ANO6: variants seen among roughly 807,000 people sequenced by gnomAD.
The protein encoded by ANO6 is anoctamin-6.
In ANO6, 106 loss-of-function variants were observed where a neutral mutation model predicts 117.5. That is an observed-to-expected ratio of 0.90 (90% CI 0.77 to 1.06). The LOEUF (loss-of-function observed/expected upper bound fraction) is 1.06, where lower values mean the gene tolerates loss of function less well. Among genes scored for constraint, ANO6 ranks in the 50% least tolerant of loss-of-function variants. The pLI is 0.00. For synonymous variants in ANO6, 367 were observed against 385.1 expected (o/e 0.95, Z 0.55); for missense variants, 955 against 1,121.1 (o/e 0.85, Z 2.12).
chr12:45,266,739 G>A (rs554019079), intron 1 of ANO6, among the ~76,000 whole-genome samples: 9 of 152,152 alleles, frequency 5.9e-5, no homozygotes, highest in South Asian at 4.2e-4. Flanking sequence ...GGAGGTTGCC[G>A]TGAGCCAAGA....
intron 8 of ANO6, among the ~76,000 whole-genome samples, chr12:45,362,605 T>C (rs573774862): frequency 6.6e-6 from 1 of 152,284 alleles, no homozygotes; most frequent in Admixed American, 6.5e-5. Flanking sequence ...TTTTGTCTCT[T>C]GTTTTTCTAT....
intron 19 of ANO6, among the ~76,000 whole-genome samples, chr12:45,437,624 C>T (rs1943722126): frequency 1.3e-5 from 2 of 152,088 alleles, no homozygotes; most frequent in South Asian, 4.1e-4. Flanking sequence ...GGCTGGAGAG[C>T]AGCGGCGCAA....
Position 45,430,896 on chromosome 12 carries a change from T to C in ANO6, c.*1585T>C, listed in dbSNP as rs554457710. ...GAGGTGATTTGCATCATGGTCATGC[T>C]GCATGGGCTTCACTGGGATGCTGTT... On this transcript the variant is annotated 3_prime_UTR_variant, in exon 20 of 20. Coordinates refer to ENST00000320560, the MANE Select transcript of ANO6 (RefSeq NM_001025356.3). 1.1e-4 allele frequency: 113 copies of C among 985,422 alleles called. 1 individual carries two copies. In the South Asian group the frequency reaches 3.9e-3, roughly 34 times the overall value. 61.0% of individuals were successfully genotyped at this position (985,422 alleles called of 1,614,324 possible). A position where few individuals can be genotyped will look rare whatever the true frequency, so the allele number is the denominator to read the frequency against.
intron 1 of ANO6, among the ~76,000 whole-genome samples, chr12:45,223,098 T>C (rs1947430221): frequency 6.6e-6 from 1 of 152,228 alleles, no homozygotes; most frequent in Non-Finnish European, 1.5e-5. Context: ...TCTTCATCTT[T>C]ATCTTTTATA....
At chr12:45,370,588 T>C (rs1225023037) in intron 9 of ANO6, among the ~76,000 whole-genome samples, 2 of 152,216 alleles carry the variant, frequency 1.3e-5, no homozygotes, top group Non-Finnish European at 2.9e-5. Context: ...GGAAGTGGCA[T>C]TGGACAGAAT....
In ANO6 at chr12:45,367,688, C is replaced by CA. The variant is rs1358580462; in HGVS notation, c.1002dup (p.Glu335ArgfsTer6). ...TTAAGTTTTATTTCTCTCTTTTTAGCAAAGAAGTTTGTCATCCTGATATTG... is the reference window on the plus strand; with the variant it reads ...TTAAGTTTTATTTCTCTCTTTTTAGCAAAAGAAGTTTGTCATCCTGATATTG... On this transcript the variant is annotated frameshift_variant and splice_region_variant, in exon 9 of 20. Coordinates refer to ENST00000320560, the MANE Select transcript of ANO6 (RefSeq NM_001025356.3). LOFTEE classifies it high-confidence loss of function. The CA allele has an allele frequency of 6.8e-6, 11 of 1,610,724 alleles. No individual in the cohort carries two copies. The highest frequency in any genetic ancestry group is 7.6e-6 in the Non-Finnish European group (9 of 1,177,994).
Position 45,348,219 on chromosome 12 carries a change from A to G in ANO6, c.537A>G (p.Gln179=). 6.2e-7 allele frequency: 1 copy of G among 1,614,092 alleles called. No individual in the cohort carries two copies. The highest frequency in any genetic ancestry group is 1.6e-4 in the Middle Eastern group (1 of 6,062). The change falls in exon 5 of 20, where the codon CAA becomes CAG. Residue 179 remains glutamine, a synonymous_variant. Transcript: ENST00000320560. Reference sequence around the variant, plus strand: ...ACGAAAGCATCATCAAGCCAGAGCAAGAGTTTTTCACTGCCCCATTTGAGA... The same window carrying G: ...ACGAAAGCATCATCAAGCCAGAGCAGGAGTTTTTCACTGCCCCATTTGAGA... ...SVDESIIKPE[Q]EFFTAPFEKN...
chr12:45,246,818 G>A (rs11182940), intron 1 of ANO6, among the ~76,000 whole-genome samples: 17,197 of 148,660 alleles, frequency 0.12, 1,439 homozygotes, highest in East Asian at 0.29. Flanking sequence ...AGGTTGGAGC[G>A]CAGTGGCGCT....
intron 19 of ANO6, among the ~76,000 whole-genome samples, chr12:45,439,029 A>G (rs1241699981): frequency 6.6e-6 from 1 of 152,244 alleles, no homozygotes; most frequent in Non-Finnish European, 1.5e-5. Flanking sequence ...AAGTAGCATA[A>G]TGTTAAGAAT....
intron 9 of ANO6, among the ~76,000 whole-genome samples, chr12:45,372,747 C>T (rs1941882490): frequency 1.3e-5 from 2 of 152,280 alleles, no homozygotes; most frequent in South Asian, 4.1e-4. Flanking sequence ...GTACCAGGCG[C>T]TGCAAAATCA....
At chr12:45,218,753 G>A (rs535469072) in intron 1 of ANO6, among the ~76,000 whole-genome samples, 1 of 152,244 alleles carries the variant, frequency 6.6e-6, no homozygotes, top group South Asian at 2.1e-4. Context: ...AGAGGAGACT[G>A]GTGAAATGAA....
chr12:45,345,389 C>T (rs1941102610), intron 3 of ANO6, among the ~76,000 whole-genome samples: 1 of 152,156 alleles, frequency 6.6e-6, no homozygotes, highest in Non-Finnish European at 1.5e-5. Flanking sequence ...CACAGCAACT[C>T]ATCCCCACTC....
At chr12:45,361,055 G>A (rs77729497) in intron 8 of ANO6, among the ~76,000 whole-genome samples, 16 of 152,056 alleles carry the variant, frequency 1.1e-4, no homozygotes, top group African/African-American at 2.2e-4. Flanking sequence ...TTGCATTTCC[G>A]TATGAATTTT....
chr12:45,403,626 C>A (rs1186512640), intron 15 of ANO6, 90 bp downstream of exon 15: 2 of 947,992 alleles, frequency 2.1e-6, no homozygotes, highest in African/African-American at 3.4e-5. Flanking sequence ...GCCACATAGC[C>A]ACATAGCTGC....
intron 2 of ANO6, among the ~76,000 whole-genome samples, chr12:45,327,622 G>A (rs1401557372): frequency 6.6e-6 from 1 of 152,106 alleles, no homozygotes; most frequent in African/African-American, 2.4e-5. Context: ...TATAATAGAT[G>A]TTTATAAAAC....
intron 9 of ANO6, among the ~76,000 whole-genome samples, chr12:45,372,506 G>A (rs56709995): frequency 0.017 from 2,375 of 141,176 alleles, 56 homozygotes; most frequent in African/African-American, 0.06. Flanking sequence ...GACTAACAGC[G>A]GATCTCTCGG....
In ANO6 at chr12:45,416,916, T is replaced by C; in HGVS notation, c.2217+12T>C. On this transcript the variant is annotated intron_variant, in intron 17 of 19. Transcript: ENST00000320560. ...CTGTGGTGACCAATGTGAGTAGACC[T>C]AAGCTTTACAGAGTAAAGACCTTGA... 6.2e-7 allele frequency: 1 copy of C among 1,613,618 alleles called. No individual in the cohort carries two copies. Among genetic ancestry groups the C allele is most frequent in the Non-Finnish European group, 8.5e-7 (1 of 1,179,594 alleles).
intron 1 of ANO6, among the ~76,000 whole-genome samples, chr12:45,296,415 C>T (rs1438249064): frequency 6.6e-6 from 1 of 152,172 alleles, no homozygotes; most frequent in Non-Finnish European, 1.5e-5. Flanking sequence ...CCCTGGCACA[C>T]GAATGTCTTT....
chr12:45,401,863 T>C lies in ANO6; in HGVS notation c.1455T>C (p.Ser485=). 6.2e-7 allele frequency: 1 copy of C among 1,614,108 alleles called. No homozygotes were observed. Among genetic ancestry groups the C allele is most frequent in the Non-Finnish European group, 8.5e-7 (1 of 1,180,000 alleles). The stretch of plus-strand genomic sequence containing the variant: ...GGCTCTCGGTGTTCATTGTATTTTC[T>C]GCAAAACTTCCCAAGAACATTAATG... ...VYRLSVFIVF[S]AKLPKNINGT... Residue 485 remains serine (S), a synonymous_variant, in exon 13 of 20, where the codon TCT becomes TCC. Transcript: ENST00000320560.
Sources: allele counts gnomAD v4.1 joint callset (sites outside exome capture counted in the v4.1 genomes callset), GRCh38; gene constraint gnomAD v4.1.1; transcripts MANE v1.5; gene names NCBI Gene and HGNC (gene_info 2026-07-23, HGNC 2026-07-21).